RMDN2: variants seen among roughly 807,000 people sequenced by gnomAD.
RMDN2 encodes the protein regulator of microtubule dynamics 2.
A neutral mutation model predicts 52.8 loss-of-function variants in RMDN2; 61 were observed. That is an observed-to-expected ratio of 1.16 (90% confidence interval 0.94 to 1.43). The LOEUF is 1.43. Ranked by LOEUF, RMDN2 falls within the 40% of genes most tolerant of loss-of-function variation. RMDN2 has a pLI of 0.00. For synonymous variants in RMDN2, 180 were observed against 153.1 expected (o/e 1.18, Z -1.30); for missense variants, 592 against 475.3 (o/e 1.25, Z -2.28).
At chr2:37,979,487 A>C (rs1673018009) in intron 4 of RMDN2, among the ~76,000 whole-genome samples, 1 of 152,188 alleles carries the variant, frequency 6.6e-6, no homozygotes, top group Non-Finnish European at 1.5e-5. Flanking sequence ...AGCATGTTTA[A>C]GGTTGTTATG....
Position 37,997,396 on chromosome 2 carries a change from A to C in RMDN2, c.946-20A>C. 6.6e-7 allele frequency: 1 copy of C among 1,512,878 alleles called. No individual in the cohort carries two copies. Among genetic ancestry groups the C allele is most frequent in the Non-Finnish European group, 9.2e-7 (1 of 1,087,842 alleles). The allele number at this position is 1,512,878 out of a possible 1,614,324, so 93.7% of individuals were successfully genotyped here. On this transcript the variant is annotated intron_variant, in intron 7 of 10. Transcript: ENST00000354545. ...AAAGGTGAACAACTTTCTAAGAGTG[A>C]TGTTGTTGTGTATTTGCAGGTCTCA... is the stretch of plus-strand genomic sequence containing the variant.
At chr2:38,021,286 A>G (rs537927369), downstream of RMDN2, among the ~76,000 whole-genome samples, 1 of 152,318 alleles carries the variant, frequency 6.6e-6, no homozygotes, top group African/African-American at 2.4e-5. Flanking sequence ...AAACAGACCA[A>G]TTGGCTCTCT....
intron 2 of RMDN2, among the ~76,000 whole-genome samples, chr2:37,941,942 C>CA (rs70949788): frequency 4.3e-4 from 60 of 141,140 alleles, no homozygotes; most frequent in South Asian, 1.2e-3. Context: ...ACTGGGGTAC[C>CA]AAAAAAAAAA....
At chr2:38,006,986 T>C (rs2125206742) in intron 10 of RMDN2, among the ~76,000 whole-genome samples, 1 of 152,350 alleles carries the variant, frequency 6.6e-6, no homozygotes, top group East Asian at 1.9e-4. Flanking sequence ...TCCTTGGTTC[T>C]GTTTATATGC....
intron 10 of RMDN2, among the ~76,000 whole-genome samples, chr2:38,008,661 A>T (rs185544323): frequency 1.5e-4 from 23 of 152,208 alleles, no homozygotes; most frequent in Middle Eastern, 6.8e-3. Context: ...TCTTTATCCA[A>T]TTGGCCTGTC....
chr2:37,929,246 A>G lies in RMDN2; in HGVS notation c.-16-16A>G. ...ACATAAACAACATTCATTTACATTT[A>G]TGTTTTTAATTTTAGAAACGAAAAC... On this transcript the variant is annotated splice_polypyrimidine_tract_variant and intron_variant, in intron 1 of 10. Transcript: ENST00000354545. The G allele has an allele frequency of 7.3e-7, 1 of 1,367,052 alleles. No homozygotes were observed. Among genetic ancestry groups the G allele is most frequent in the African/African-American group, 1.5e-5 (1 of 68,024 alleles). The allele number at this position is 1,367,052 out of a possible 1,614,324, so 84.7% of individuals were successfully genotyped here. A position where few individuals can be genotyped will look rare whatever the true frequency, so the allele number is the denominator to read the frequency against.
At chr2:37,979,373 C>G (rs1673000533) in intron 4 of RMDN2, among the ~76,000 whole-genome samples, 1 of 152,034 alleles carries the variant, frequency 6.6e-6, no homozygotes. Context: ...ATGGTAATGA[C>G]CAAGTATACT....
At chr2:38,058,058 G>C (rs908170250) in intron 10 of RMDN2, among the ~76,000 whole-genome samples, 4 of 152,222 alleles carry the variant, frequency 2.6e-5, no homozygotes, top group Non-Finnish European at 4.4e-5. Flanking sequence ...CCAGGAAAAT[G>C]TCCGACTCAT....
chr2:37,969,629 ATTGT>A (rs555971760), intron 2 of RMDN2, among the ~76,000 whole-genome samples: 14 of 152,086 alleles, frequency 9.2e-5, no homozygotes, highest in Admixed American at 2.0e-4. Context: ...AAAAAATAAG[ATTGT>A]TTCTTTTTTC....
At chr2:37,992,079 C>T (rs1393035894) in intron 7 of RMDN2, among the ~76,000 whole-genome samples, 3 of 152,156 alleles carry the variant, frequency 2.0e-5, no homozygotes, top group African/African-American at 7.2e-5. Flanking sequence ...AATATGCATT[C>T]TGTCCTTTAT....
At chr2:37,964,168 A>C (rs971035475) in intron 2 of RMDN2, among the ~76,000 whole-genome samples, 1 of 149,164 alleles carries the variant, frequency 6.7e-6, no homozygotes, top group East Asian at 2.0e-4. Context: ...GGGGCTCCTC[A>C]CTTCTCAGAC....
chr2:37,932,935 C>T lies in RMDN2; in HGVS notation c.452+3206C>T, dbSNP rs1236092420. 8.6e-5 allele frequency among the ~76,000 whole-genome samples: 13 copies of T among 151,162 alleles called. No homozygotes were observed. The South Asian group carries it at 1.9e-3, about 22-fold the overall frequency. On this transcript the variant is annotated intron_variant, in intron 2 of 10. Coordinates refer to ENST00000354545, the MANE Select transcript of RMDN2 (RefSeq NM_001170791.3). ...GGGGCTGACCCCCCCACCTCCCTCC[C>T]GGACGAGGTGGCTGCCGGGCGGAGA...
At chr2:37,956,819 C>T (rs114626808) in intron 2 of RMDN2, among the ~76,000 whole-genome samples, 1 of 151,982 alleles carries the variant, frequency 6.6e-6, no homozygotes, top group South Asian at 2.1e-4. Flanking sequence ...TCCCCACCCC[C>T]AACAGCCCAC....
At chr2:37,978,864 C>A (rs948737747) in intron 4 of RMDN2, among the ~76,000 whole-genome samples, 28 of 152,048 alleles carry the variant, frequency 1.8e-4, no homozygotes, top group Non-Finnish European at 3.7e-4. Context: ...AATATGATGG[C>A]AGAGGATGGA....
intron 10 of RMDN2, among the ~76,000 whole-genome samples, chr2:38,011,140 G>C (rs968901149): frequency 3.3e-5 from 5 of 152,150 alleles, no homozygotes; most frequent in African/African-American, 1.2e-4. Context: ...AGTGACCATG[G>C]GTTGCCATCC....
intron 2 of RMDN2, among the ~76,000 whole-genome samples, chr2:37,936,135 G>A (rs892118769): frequency 6.6e-6 from 1 of 152,148 alleles, no homozygotes; most frequent in African/African-American, 2.4e-5. Flanking sequence ...CAGTTATAGT[G>A]AGAACATGCA....
intron 8 of RMDN2, among the ~76,000 whole-genome samples, chr2:38,002,443 T>C (rs980195923): frequency 1.3e-5 from 2 of 152,166 alleles, no homozygotes; most frequent in African/African-American, 2.4e-5. Flanking sequence ...AGTATATCTA[T>C]GCTGACATGA....
intron 8 of RMDN2, 101 bp downstream of exon 8, chr2:37,997,615 A>G: frequency 1.3e-6 from 1 of 784,774 alleles, no homozygotes; most frequent in Non-Finnish European, 2.2e-6. Context: ...GTGGAGCCTC[A>G]GTTTGAATCC....
chr2:38,016,120 A>T lies in RMDN2; in HGVS notation c.1180-1066A>T, dbSNP rs116226399. Among the ~76,000 whole-genome samples, 652 of 152,384 alleles carry T rather than the reference A, an allele frequency of 4.3e-3. 1 individual carries two copies. The highest frequency in any genetic ancestry group is 0.015 in the African/African-American group (610 of 41,596). ...ACACTTCTGTACGCAAAGGAGAGTA[A>T]CACACTGTATCAGTGTAACCAACGT... On this transcript the variant is annotated intron_variant, in intron 10 of 10. Coordinates refer to ENST00000354545, the MANE Select transcript of RMDN2 (RefSeq NM_001170791.3).
Sources: gnomAD v4.1 joint callset for allele counts (sites outside exome capture counted in the v4.1 genomes callset) on GRCh38, gnomAD v4.1.1 for gene constraint, MANE v1.5 for transcripts, NCBI Gene and HGNC (gene_info 2026-07-23, HGNC 2026-07-21) for gene names.